The following LRRC69 variants were observed in gnomAD, a reference collection of about 807,000 sequenced individuals.
The protein encoded by LRRC69 is leucine rich repeat containing 69.
LRRC69 carries 42 observed loss-of-function variants against 37.8 expected under a neutral mutation model. The observed-to-expected ratio is 1.11, with a 90% CI of 0.87 to 1.44. The LOEUF is 1.44. LRRC69 is among the 40% of genes most tolerant of loss of function. LRRC69 has a pLI of 0.00. For synonymous variants in LRRC69, 141 were observed against 143.1 expected (o/e 0.99, Z 0.11); for missense variants, 357 against 401.9 (o/e 0.89, Z 0.96).
At chr8:91,219,218 C>CA (rs574431781), downstream of LRRC69, 301 of 340,882 alleles carry the variant, frequency 8.8e-4, no homozygotes, top group Middle Eastern at 1.5e-3. Flanking sequence ...TAAAAAAGTA[C>CA]AAAAAAAAAT....
chr8:91,159,157 CATCACACCTA>C (rs146888078), intron 5 of LRRC69, among the ~76,000 whole-genome samples: 4,186 of 151,210 alleles, frequency 0.028, 182 homozygotes, highest in East Asian at 0.21. Context: ...ATGCTGTTGA[CATCACACCTA>C]ATATTCAGAG....
chr8:91,168,683 T>C (rs535200130), intron 5 of LRRC69, among the ~76,000 whole-genome samples: 36 of 151,990 alleles, frequency 2.4e-4, no homozygotes, highest in African/African-American at 7.9e-4. Context: ...TTGTGACACT[T>C]GTTACATGAG....
chr8:91,212,522 T>C (rs1454151313), intron 7 of LRRC69, among the ~76,000 whole-genome samples: 4 of 152,174 alleles, frequency 2.6e-5, no homozygotes, highest in Admixed American at 6.6e-5. Context: ...AAATGAAAAT[T>C]TGTAACTTTA....
chr8:91,148,314 T>C (rs1020595723), intron 5 of LRRC69, among the ~76,000 whole-genome samples: 2 of 151,446 alleles, frequency 1.3e-5, no homozygotes, highest in Non-Finnish European at 2.9e-5. Flanking sequence ...TTCCCACCTA[T>C]GAGTAAGAAC....
At chr8:91,117,031 A>G (rs1253773139) in intron 1 of LRRC69, among the ~76,000 whole-genome samples, 1 of 152,074 alleles carries the variant, frequency 6.6e-6, no homozygotes, top group Non-Finnish European at 1.5e-5. Context: ...ACTTTCAGGT[A>G]TGAGTGGGTC....
intron 7 of LRRC69, chr8:91,206,564 A>G (rs1447927758): frequency 1.4e-6 from 1 of 695,376 alleles, no homozygotes; most frequent in Non-Finnish European, 2.0e-6. Context: ...CAGTTTTCAA[A>G]ACATCCTGCT....
chr8:91,143,971 G>T (rs961840810), intron 5 of LRRC69, among the ~76,000 whole-genome samples: 4 of 151,800 alleles, frequency 2.6e-5, no homozygotes, highest in Non-Finnish European at 4.4e-5. Flanking sequence ...TTTAAGTTGG[G>T]GATATTAATA....
intron 5 of LRRC69, among the ~76,000 whole-genome samples, chr8:91,153,814 A>T (rs1346223493): frequency 6.6e-6 from 1 of 151,982 alleles, no homozygotes; most frequent in African/African-American, 2.4e-5. Context: ...CTAGAGAAGC[A>T]AGAGCAAACA....
At chr8:91,136,807 A>G (rs1563600614) in intron 5 of LRRC69, among the ~76,000 whole-genome samples, 1 of 152,078 alleles carries the variant, frequency 6.6e-6, no homozygotes, top group South Asian at 2.1e-4. Flanking sequence ...GTGGAACCAG[A>G]TATTTGTCCT....
At chr8:91,193,650 G>T (rs1586277778) in intron 6 of LRRC69, among the ~76,000 whole-genome samples, 1 of 29,492 alleles carries the variant, frequency 3.4e-5, no homozygotes, top group African/African-American at 1.5e-4. Context: ...CTCTCTGTTT[G>T]TCTGTTGTTG....
At chr8:91,217,945 A>G (rs1218521566) in intron 7 of LRRC69, among the ~76,000 whole-genome samples, 1 of 152,098 alleles carries the variant, frequency 6.6e-6, no homozygotes, top group African/African-American at 2.4e-5. Flanking sequence ...AGGGGATGTG[A>G]CTTATGACTT....
chr8:91,166,866 G>A (rs1268010793), intron 5 of LRRC69, among the ~76,000 whole-genome samples: 1 of 151,856 alleles, frequency 6.6e-6, no homozygotes, highest in Non-Finnish European at 1.5e-5. Context: ...CCAACCAAAC[G>A]CTGTTATTTA....
chr8:91,131,235 CTT>C (rs35337686), intron 3 of LRRC69, among the ~76,000 whole-genome samples: 3 of 140,234 alleles, frequency 2.1e-5, no homozygotes, highest in Admixed American at 1.4e-4. Flanking sequence ...ATTGATTTGT[CTT>C]TTTTTTTTTT....
chr8:91,181,534 A>AAC (rs1809325189), intron 5 of LRRC69, among the ~76,000 whole-genome samples: 1 of 152,190 alleles, frequency 6.6e-6, no homozygotes, highest in Non-Finnish European at 1.5e-5. Context: ...CATACATGCA[A>AAC]ACTAAGTGGT....
intron 5 of LRRC69, among the ~76,000 whole-genome samples, chr8:91,143,556 G>A (rs1455752015): frequency 1.3e-5 from 2 of 151,902 alleles, no homozygotes; most frequent in African/African-American, 4.8e-5. Flanking sequence ...ATATCCCTAA[G>A]GTTTGTAGGC....
intron 1 of LRRC69, among the ~76,000 whole-genome samples, chr8:91,122,171 A>G (rs1813635681): frequency 6.6e-6 from 1 of 152,064 alleles, no homozygotes; most frequent in Admixed American, 6.6e-5. Flanking sequence ...GGACATTACA[A>G]GCTGTTTCTT....
chr8:91,122,490 C>T (rs1474606515), intron 1 of LRRC69, among the ~76,000 whole-genome samples: 1 of 152,048 alleles, frequency 6.6e-6, no homozygotes, highest in Non-Finnish European at 1.5e-5. Flanking sequence ...GTGTTCTTTG[C>T]ATTTTCAGTG....
At chr8:91,152,788 TTC>T (rs1808764161) in intron 5 of LRRC69, among the ~76,000 whole-genome samples, 1 of 151,334 alleles carries the variant, frequency 6.6e-6, no homozygotes, top group Middle Eastern at 3.2e-3. Flanking sequence ...TTTGTTTGTT[TTC>T]TCTCTTATTT....
chr8:91,131,283 A>C (rs1280953587), intron 3 of LRRC69, among the ~76,000 whole-genome samples: 2 of 146,588 alleles, frequency 1.4e-5, no homozygotes, highest in Admixed American at 6.9e-5. Context: ...TATGTTTTCC[A>C]GGCTGGTCTT....
Sources: gnomAD v4.1 joint callset for allele counts (sites outside exome capture counted in the v4.1 genomes callset) on GRCh38, gnomAD v4.1.1 for gene constraint, MANE v1.5 for transcripts, NCBI Gene and HGNC (gene_info 2026-07-23, HGNC 2026-07-21) for gene names.